CCDC6: variants seen among roughly 807,000 people sequenced by gnomAD.
CCDC6 encodes the protein coiled-coil domain containing 6, also known as coiled-coil domain-containing protein 6.
Under a neutral mutation model 56.6 loss-of-function variants are expected in CCDC6, and 20 were observed. The observed-to-expected ratio is 0.35, with a 90% CI of 0.25 to 0.51. CCDC6 has a LOEUF of 0.51. Among genes scored for constraint, CCDC6 ranks in the 20% least tolerant of loss-of-function variants. The pLI is 0.95. For synonymous variants in CCDC6, 241 were observed against 234.4 expected (o/e 1.03, Z -0.26); for missense variants, 367 against 601.1 (o/e 0.61, Z 4.07).
At chr10:59,846,567 TTTC>T (rs2070993566) in intron 2 of CCDC6, among the ~76,000 whole-genome samples, 3 of 152,182 alleles carry the variant, frequency 2.0e-5, no homozygotes, top group African/African-American at 7.2e-5. Context: ...ATCCAGGACT[TTTC>T]TTCTTAAGTA....
rs1564756010 is a variant in CCDC6, at chr10:59,882,382, GCGGGGAGAAGGAAAGGAAAGCCA to G, written c.303+23717_303+23739del. Among the ~76,000 whole-genome samples the G allele has an allele frequency of 5.0e-4, 6 of 11,920 alleles. 1 individual carries two copies. Among genetic ancestry groups the G allele is most frequent in the Non-Finnish European group, 1.1e-3 (6 of 5,474 alleles). 7.8% of individuals were successfully genotyped at this position (11,920 alleles called of 152,430 possible). The stretch of plus-strand genomic sequence containing the variant: ...CCGCGGGGAGAAGGAAAGGAAAGCC[GCGGGGAGAAGGAAAGGAAAGCCA>G]GGGGGAGAAGGAAAGGAAAGCCAGG... On this transcript the variant is annotated intron_variant, in intron 1 of 8. Transcript: ENST00000263102.
intron 1 of CCDC6, among the ~76,000 whole-genome samples, chr10:59,864,393 T>C (rs2071159428): frequency 6.6e-6 from 1 of 152,158 alleles, no homozygotes; most frequent in Admixed American, 6.5e-5. Flanking sequence ...ATCAGCAACC[T>C]TCTTTTCCTT....
In CCDC6 at chr10:59,794,458, C is replaced by T; in HGVS notation, c.1230+15G>A. The T allele has an allele frequency of 6.2e-7, 1 of 1,613,680 alleles. No individual in the cohort carries two copies. The highest frequency in any genetic ancestry group is 8.5e-7 in the Non-Finnish European group (1 of 1,179,742). Reference sequence around the variant, plus strand: ...TCAGGAGTAAAGTGCTGCTTCCTACCCCACGGACACTTACTGTGATACCAT... The same window carrying T: ...TCAGGAGTAAAGTGCTGCTTCCTACTCCACGGACACTTACTGTGATACCAT... On this transcript the variant is annotated intron_variant, in intron 8 of 8. Coordinates refer to ENST00000263102, the MANE Select transcript of CCDC6 (RefSeq NM_005436.5).
intron 2 of CCDC6, among the ~76,000 whole-genome samples, chr10:59,839,041 C>T (rs1464349353): frequency 2.0e-5 from 3 of 152,166 alleles, no homozygotes; most frequent in Admixed American, 6.5e-5. Context: ...TGCTTCAGGG[C>T]GATTACTACG....
intron 3 of CCDC6, among the ~76,000 whole-genome samples, chr10:59,815,167 A>C (rs1003120463): frequency 1.3e-5 from 2 of 152,182 alleles, no homozygotes; most frequent in Non-Finnish European, 2.9e-5. Flanking sequence ...CTATTCATAT[A>C]AATAACTCTT....
chr10:59,798,038 C>T lies in CCDC6; in HGVS notation c.1106-3441G>A, dbSNP rs536875577. Among the ~76,000 whole-genome samples, 11 of 152,276 alleles carry T rather than the reference C, an allele frequency of 7.2e-5. No individual in the cohort carries two copies. The East Asian group carries it at 1.2e-3, about 16-fold the overall frequency. On this transcript the variant is annotated intron_variant, in intron 7 of 8. Transcript: ENST00000263102. ...AAGAGTCAGTGCAGAAGTCACCAGC[C>T]GGTCTGGGGAATTACTTGTTTTATC...
At chr10:59,845,070 A>G (rs1387162884) in intron 2 of CCDC6, among the ~76,000 whole-genome samples, 2 of 152,204 alleles carry the variant, frequency 1.3e-5, no homozygotes, top group Non-Finnish European at 1.5e-5. Context: ...ACAAAGTTTT[A>G]AAGTTATTTT....
chr10:59,871,819 A>G (rs900815061), intron 1 of CCDC6, among the ~76,000 whole-genome samples: 6 of 152,082 alleles, frequency 3.9e-5, no homozygotes, highest in Admixed American at 3.9e-4. Flanking sequence ...AAAAATTCCC[A>G]CTAAGTATTC....
intron 1 of CCDC6, among the ~76,000 whole-genome samples, chr10:59,876,985 C>T (rs2071288169): frequency 6.6e-6 from 1 of 152,086 alleles, no homozygotes; most frequent in Non-Finnish European, 1.5e-5. Flanking sequence ...TGCTCCGAGG[C>T]CTGTACAGCA....
At chr10:59,888,872 C>T (rs2071401676) in intron 1 of CCDC6, among the ~76,000 whole-genome samples, 1 of 152,064 alleles carries the variant, frequency 6.6e-6, no homozygotes, top group Non-Finnish European at 1.5e-5. Flanking sequence ...AATCCACTAT[C>T]ATCATAAAAA....
At chr10:59,852,263 T>C (rs1427727211) in intron 2 of CCDC6, among the ~76,000 whole-genome samples, 2 of 152,210 alleles carry the variant, frequency 1.3e-5, no homozygotes, top group Non-Finnish European at 1.5e-5. Flanking sequence ...TTAGTCCCCA[T>C]ACTTCCAAAA....
At chr10:59,884,697 G>A (rs1262041742) in intron 1 of CCDC6, among the ~76,000 whole-genome samples, 1 of 152,114 alleles carries the variant, frequency 6.6e-6, no homozygotes, top group Non-Finnish European at 1.5e-5. Flanking sequence ...TGCTCCCATC[G>A]CTGGGTATCC....
chr10:59,819,762 T>C (rs1047808309), intron 3 of CCDC6, among the ~76,000 whole-genome samples: 1 of 152,148 alleles, frequency 6.6e-6, no homozygotes, highest in African/African-American at 2.4e-5. Context: ...AAATTGGTGT[T>C]CATGCAATAC....
chr10:59,870,088 G>A (rs184647690), intron 1 of CCDC6, among the ~76,000 whole-genome samples: 2 of 152,254 alleles, frequency 1.3e-5, no homozygotes, highest in African/African-American at 2.4e-5. Context: ...CTGCCACAGA[G>A]ATATCTTTTT....
intron 1 of CCDC6, among the ~76,000 whole-genome samples, chr10:59,894,266 G>C (rs1056957709): frequency 1.3e-5 from 2 of 152,222 alleles, no homozygotes; most frequent in African/African-American, 4.8e-5. Flanking sequence ...CAGGCACACA[G>C]CCCAGAGTTG....
chr10:59,872,219 T>C (rs1320191798), intron 1 of CCDC6, among the ~76,000 whole-genome samples: 2 of 152,234 alleles, frequency 1.3e-5, no homozygotes, highest in African/African-American at 4.8e-5. Flanking sequence ...CTGCCTGACA[T>C]TCCTTCCAGT....
At chr10:59,887,428 A>T (rs962300404) in intron 1 of CCDC6, among the ~76,000 whole-genome samples, 2 of 152,190 alleles carry the variant, frequency 1.3e-5, no homozygotes, top group African/African-American at 4.8e-5. Context: ...CTGAAAACAA[A>T]TTAAATGCAC....
At chr10:59,815,027 TAGAG>T (rs1180297705) in intron 3 of CCDC6, among the ~76,000 whole-genome samples, 1 of 152,196 alleles carries the variant, frequency 6.6e-6, no homozygotes, top group Non-Finnish European at 1.5e-5. Context: ...AAGTCCTCCT[TAGAG>T]AGGTCTTTAG....
intron 1 of CCDC6, among the ~76,000 whole-genome samples, chr10:59,860,606 G>A (rs896174574): frequency 1.3e-5 from 2 of 152,262 alleles, no homozygotes; most frequent in South Asian, 4.1e-4. Flanking sequence ...TAAGTATAAG[G>A]TAACAGCAGT....
Sources: gnomAD v4.1 joint callset for allele counts (sites outside exome capture counted in the v4.1 genomes callset) on GRCh38, gnomAD v4.1.1 for gene constraint, MANE v1.5 for transcripts, NCBI Gene and HGNC (gene_info 2026-07-23, HGNC 2026-07-21) for gene names.